ESCO2: variants seen among roughly 807,000 people sequenced by gnomAD.
The protein encoded by ESCO2 is N-acetyltransferase ESCO2.
Under a neutral mutation model 61.7 loss-of-function variants are expected in ESCO2, and 51 were observed. The ratio of observed to expected loss-of-function variants is 0.83; its 90% confidence interval spans 0.66 to 1.04. ESCO2 has a LOEUF of 1.04. Ranked by LOEUF, ESCO2 falls within the 50% of genes least tolerant of loss-of-function variation. ESCO2 has a pLI of 0.00. For missense variants in ESCO2, 692 were observed against 686.2 expected (o/e 1.01, Z -0.09); for synonymous variants, 230 against 238.2 (o/e 0.97, Z 0.32).
At chr8:27,812,636 A>C (rs1479882945), downstream of ESCO2, 4 of 151,768 alleles carry the variant, frequency 2.6e-5, no homozygotes, top group Admixed American at 2.6e-4. Flanking sequence ...AAAAAAAAAA[A>C]AAAAACATCA....
At chr8:27,816,525 C>T (rs979222208), downstream of ESCO2, among the ~76,000 whole-genome samples, 1 of 151,310 alleles carries the variant, frequency 6.6e-6, no homozygotes, top group Non-Finnish European at 1.5e-5. Context: ...TACAGCTGCC[C>T]GCCACCACGC....
upstream of ESCO2, chr8:27,772,600 C>T (rs17057820): frequency 0.011 from 16,008 of 1,515,152 alleles, 127 homozygotes; most frequent in African/African-American, 0.039. Context: ...TCACGAAGCT[C>T]AGGATACCAG....
chr8:27,776,008 A>C (rs1804781013), intron 2 of ESCO2, among the ~76,000 whole-genome samples: 1 of 152,254 alleles, frequency 6.6e-6, no homozygotes, highest in African/African-American at 2.4e-5. Context: ...GGGTCAGTTC[A>C]TTACAGACAG....
chr8:27,773,333 C>G (rs1225662596), upstream of ESCO2, among the ~76,000 whole-genome samples: 1 of 152,178 alleles, frequency 6.6e-6, no homozygotes, highest in African/African-American at 2.4e-5. Context: ...ATCACTGATG[C>G]TTGTAGTTTC....
chr8:27,801,941 G>A (rs1805435599), intron 10 of ESCO2, among the ~76,000 whole-genome samples: 1 of 119,516 alleles, frequency 8.4e-6, no homozygotes, highest in Non-Finnish European at 1.8e-5. Context: ...TTTCACTTTT[G>A]TCTGTTGTCT....
chr8:27,813,481 T>C (rs1215882057), downstream of ESCO2, among the ~76,000 whole-genome samples: 1 of 152,194 alleles, frequency 6.6e-6, no homozygotes, highest in Non-Finnish European at 1.5e-5. Flanking sequence ...GTGAATTTTA[T>C]TGACTCCTCC....
rs1262253340 is a variant in ESCO2, at chr8:27,780,359, C to G, written c.955+92C>G. 1.0e-5 allele frequency: 9 copies of G among 875,652 alleles called. No homozygotes were observed. The South Asian group carries it at 1.2e-4, about 11-fold the overall frequency. The allele number at this position is 875,652 out of a possible 1,614,324, so 54.2% of individuals were successfully genotyped here. A position where few individuals can be genotyped will look rare whatever the true frequency, so the allele number is the denominator to read the frequency against. On this transcript the variant is annotated intron_variant, in intron 4 of 10. Coordinates refer to ENST00000305188, the MANE Select transcript of ESCO2 (RefSeq NM_001017420.3). Reference sequence around the variant, plus strand: ...TAATTCTTGTAATTTCTGGGTCTTTCTTTTTTCAGTAGCGTGCCTGTGGTT... The same window carrying G: ...TAATTCTTGTAATTTCTGGGTCTTTGTTTTTTCAGTAGCGTGCCTGTGGTT...
chr8:27,815,575 TAAGG>T (rs1216744018), downstream of ESCO2, among the ~76,000 whole-genome samples: 1 of 152,144 alleles, frequency 6.6e-6, no homozygotes, highest in Admixed American at 6.5e-5. Flanking sequence ...TCTGTGGCAA[TAAGG>T]AAGGATACTT....
chr8:27,804,155 A>G lies in ESCO2; in HGVS notation c.*717A>G. ...AGATGGTAAGGAATAAGATTATCCC[A>G]TATGCATTTCTGTAGAGCAGAATTT... On this transcript the variant is annotated 3_prime_UTR_variant, in exon 11 of 11. Transcript: ENST00000305188. 10 of 985,410 alleles carry G rather than the reference A, an allele frequency of 1.0e-5. No homozygotes were observed. Among genetic ancestry groups the G allele is most frequent in the African/African-American group, 1.7e-5 (1 of 57,366 alleles). 61.0% of individuals were successfully genotyped at this position (985,410 alleles called of 1,614,324 possible). A position where few individuals can be genotyped will look rare whatever the true frequency, so the allele number is the denominator to read the frequency against.
downstream of ESCO2, chr8:27,811,210 G>C: frequency 1.7e-6 from 2 of 1,208,794 alleles, no homozygotes; most frequent in Non-Finnish European, 2.4e-6. Flanking sequence ...GGAAACAGGC[G>C]AACGATTTGA....
Position 27,784,026 on chromosome 8 carries a change from A to G in ESCO2, c.982A>G (p.Ile328Val), listed in dbSNP as rs748180850. The G allele has an allele frequency of 1.2e-6, 2 of 1,613,646 alleles. No individual in the cohort carries two copies. The highest frequency in any genetic ancestry group is 1.1e-5 in the South Asian group (1 of 91,066). The change falls in exon 5 of 11, where the codon ATC becomes GTC. Residue 328 changes from isoleucine (I) to valine (V), a missense_variant. Physicochemically the swap from Ile to Val is conservative, Grantham distance 29. Coordinates refer to ENST00000305188, the MANE Select transcript of ESCO2 (RefSeq NM_001017420.3). Reference sequence around the variant, plus strand: ...TTCTCCTAAGTCCACTGTCTATCCAATCTTCAGTGCATCTTCAGTCAATTC... The same window carrying G: ...TTCTCCTAAGTCCACTGTCTATCCAGTCTTCAGTGCATCTTCAGTCAATTC... ...TISPKSTVYPIFSASSVNSKR... is the reference protein window; with the variant it reads ...TISPKSTVYPVFSASSVNSKR...
Position 27,799,565 on chromosome 8 carries a change from A to C in ESCO2, c.1522A>C (p.Ile508Leu). Residue 508 changes from isoleucine to leucine, a missense_variant, in exon 10 of 11, where the codon ATT becomes CTT. Coordinates refer to ENST00000305188, the MANE Select transcript of ESCO2 (RefSeq NM_001017420.3). ...KQAFRVLSEP[I>L]GPESPSSTEC... ...GGCATTTCGTGTCCTGTCTGAACCA[A>C]TTGGTCCAGAATCCCCAAGCTCTAC... 6.2e-7 allele frequency: 1 copy of C among 1,613,922 alleles called. No homozygotes were observed. The highest frequency in any genetic ancestry group is 8.5e-7 in the Non-Finnish European group (1 of 1,179,972).
At position 27,788,933 on chromosome 8, in the gene ESCO2, G is replaced by C; in HGVS notation, c.1218G>C (p.Gln406His). ...YTASNPEDEM[Q>H]HVQHHHRFLE... ...CTTCCAACCCTGAAGATGAAATGCA[G>C]CATGTACAGCATCACCACAGGTTTC... is the stretch of plus-strand genomic sequence containing the variant. The change falls in exon 7 of 11, where the codon CAG becomes CAC. Residue 406 changes from glutamine to histidine, a missense_variant. By Grantham distance (24) the Gln-to-His change is conservative. Transcript: ENST00000305188. 6.2e-7 allele frequency: 1 copy of C among 1,614,094 alleles called. No homozygotes were observed. Among genetic ancestry groups the C allele is most frequent in the Non-Finnish European group, 8.5e-7 (1 of 1,180,006 alleles).
chr8:27,776,241 G>T lies in ESCO2; in HGVS notation c.54-121G>T, dbSNP rs1036505245. The T allele has an allele frequency of 4.3e-5, 31 of 726,118 alleles. No homozygotes were observed. The Admixed American group carries it at 8.1e-4, about 19-fold the overall frequency. 45.0% of individuals were successfully genotyped at this position (726,118 alleles called of 1,614,324 possible). ...TACTGTTAAACTAATAGAAAATTGT[G>T]TGTATGGGGGGTACATGTATTGTTT... On this transcript the variant is annotated intron_variant, in intron 2 of 10. Coordinates refer to ENST00000305188, the MANE Select transcript of ESCO2 (RefSeq NM_001017420.3).
rs1805189059 is a variant in ESCO2 at position 27,792,063 on chromosome 8, T to C, written c.1353+11T>C. On this transcript the variant is annotated intron_variant, in intron 8 of 10. Transcript: ENST00000305188. ...TTTGCTATCAAAAAGGTATGGAACATTATCTTTTTATCTCTTGCCTTTCCC... is the reference window on the plus strand; with the variant it reads ...TTTGCTATCAAAAAGGTATGGAACACTATCTTTTTATCTCTTGCCTTTCCC... 6.2e-7 allele frequency: 1 copy of C among 1,612,840 alleles called. No individual in the cohort carries two copies. Among genetic ancestry groups the C allele is most frequent in the South Asian group, 1.1e-5 (1 of 91,062 alleles).
At chr8:27,815,119 AG>A (rs1432330189), downstream of ESCO2, among the ~76,000 whole-genome samples, 2 of 152,214 alleles carry the variant, frequency 1.3e-5, no homozygotes, top group Non-Finnish European at 2.9e-5. Flanking sequence ...CCAGAACTGA[AG>A]GAAAGTTCTG....
intron 5 of ESCO2, among the ~76,000 whole-genome samples, chr8:27,787,307 A>G (rs1805067100): frequency 6.6e-6 from 1 of 151,266 alleles, no homozygotes; most frequent in Non-Finnish European, 1.5e-5. Flanking sequence ...AACTACAGCT[A>G]TCCAGCCTAA....
chr8:27,787,860 A>G (rs1805081197), intron 5 of ESCO2, 25 bp from the exon 6 acceptor site: 2 of 1,550,086 alleles, frequency 1.3e-6, no homozygotes, highest in Non-Finnish European at 8.9e-7. Flanking sequence ...TTGTAAATTT[A>G]TATATATCAA....
At chr8:27,812,757 A>G (rs2128961260), downstream of ESCO2, 1 of 152,332 alleles carries the variant, frequency 6.6e-6, no homozygotes, top group South Asian at 2.1e-4. Flanking sequence ...ATGCAAATCA[A>G]AACCACAATG....
Sources: allele counts gnomAD v4.1 joint callset (sites outside exome capture counted in the v4.1 genomes callset), GRCh38; gene constraint gnomAD v4.1.1; transcripts MANE v1.5; gene names NCBI Gene and HGNC (gene_info 2026-07-23, HGNC 2026-07-21).